Variants in DYNC1LI2 observed in about 807,000 individuals in gnomAD.
The protein encoded by DYNC1LI2 is cytoplasmic dynein 1 light intermediate chain 2.
DYNC1LI2 carries 19 observed loss-of-function variants against 57.8 expected under a neutral mutation model. That is an observed-to-expected ratio of 0.33 (90% CI 0.23 to 0.48). The LOEUF is 0.48. Ranked by LOEUF, DYNC1LI2 falls within the 20% of genes least tolerant of loss-of-function variation. DYNC1LI2 has a pLI of 0.99. For missense variants in DYNC1LI2, 470 were observed against 604.2 expected, an observed-to-expected ratio of 0.78 and a Z score of 2.33; for synonymous variants, 256 against 233.4, an observed-to-expected ratio of 1.10 and a Z score of -0.88.
In DYNC1LI2 at chr16:66,751,028, G is replaced by A. The variant is rs143472303; in HGVS notation, c.181+245C>T. On this transcript the variant is annotated intron_variant, in intron 2 of 12. Transcript: ENST00000258198. The surrounding 1 kb of genome is among the most constrained non-coding windows in gnomAD (Gnocchi z 5.2). ...CCGTCGAGGCAATGAAGGCATAGAG[G>A]GCCAAGTGACTGAAACAATATGCCG... Among the ~76,000 whole-genome samples the A allele has an allele frequency of 5.9e-4, 90 of 152,252 alleles. No homozygotes were observed. Among genetic ancestry groups the A allele is most frequent in the African/African-American group, 2.0e-3 (85 of 41,562 alleles).
At position 66,725,814 on chromosome 16, in the gene DYNC1LI2, G is replaced by A; in HGVS notation, c.1378+14C>T. 1 of 1,609,922 alleles carries A rather than the reference G, an allele frequency of 6.2e-7. No individual in the cohort carries two copies. Among genetic ancestry groups the A allele is most frequent in the Non-Finnish European group, 8.5e-7 (1 of 1,178,470 alleles). ...CAACCACAAGAGTCACAAGTCTCCA[G>A]GGCCCTTCTGTACCTGACTTCTTGG... is the stretch of plus-strand genomic sequence containing the variant. On this transcript the variant is annotated intron_variant, in intron 12 of 12. Coordinates refer to ENST00000258198, the MANE Select transcript of DYNC1LI2 (RefSeq NM_006141.3).
chr16:66,732,268 A>T, intron 7 of DYNC1LI2, 71 bp downstream of exon 7: 3 of 1,560,906 alleles, frequency 1.9e-6, no homozygotes, highest in South Asian at 2.4e-5. Context: ...CCTTCCTTGA[A>T]GGGGTAAAAT....
At chr16:66,745,533 C>T (rs1449735682) in intron 3 of DYNC1LI2, among the ~76,000 whole-genome samples, 4 of 151,596 alleles carry the variant, frequency 2.6e-5, no homozygotes, top group Non-Finnish European at 5.9e-5. Flanking sequence ...CCACCTCAGC[C>T]TCACAAAGTG....
rs1012701498 is a variant in DYNC1LI2 at position 66,745,373 on chromosome 16, G to A, written c.299-2705C>T. The stretch of plus-strand genomic sequence containing the variant: ...AGCTCACTGCAGCCCACGCCTCCCA[G>A]GTTCAGGCGATCCTCATGCCTCAGG... On this transcript the variant is annotated intron_variant, in intron 3 of 12. Transcript: ENST00000258198. Among the ~76,000 whole-genome samples the A allele has an allele frequency of 2.0e-5, 3 of 152,138 alleles. No individual in the cohort carries two copies. In the East Asian group the frequency reaches 5.8e-4, roughly 30 times the overall value.
chr16:66,723,918 T>C, intron 12 of DYNC1LI2, 96 bp from the exon 13 acceptor site: 1 of 977,898 alleles, frequency 1.0e-6, no homozygotes, highest in Non-Finnish European at 1.5e-6. Context: ...CCTTCTATAA[T>C]CACTTGATGA....
Position 66,728,002 on chromosome 16 carries a change from C to T in DYNC1LI2, c.1144-197G>A. 3.4e-6 allele frequency: 3 copies of T among 886,342 alleles called. No homozygotes were observed. The South Asian group carries it at 5.4e-5, about 16-fold the overall frequency. 54.9% of individuals were successfully genotyped at this position (886,342 alleles called of 1,614,324 possible). A position where few individuals can be genotyped will look rare whatever the true frequency, so the allele number is the denominator to read the frequency against. On this transcript the variant is annotated intron_variant, in intron 10 of 12. Transcript: ENST00000258198. ...ATCCAGATAACAAAGCCAGCTCACT[C>T]TAATTCCCAGAGTTGTATTCTTTCA...
intron 4 of DYNC1LI2, chr16:66,738,237 GCTTC>G (rs1242165059): frequency 1.5e-5 from 2 of 137,882 alleles, no homozygotes; most frequent in Admixed American, 7.6e-5. Flanking sequence ...CATCTCTACA[GCTTC>G]TTTTTTTTTT....
At chr16:66,737,451 G>A (rs983851321) in intron 4 of DYNC1LI2, among the ~76,000 whole-genome samples, 28 of 146,610 alleles carry the variant, frequency 1.9e-4, no homozygotes, top group African/African-American at 7.3e-4. Context: ...TTGAACCAGG[G>A]AGTCGGAGGT....
chr16:66,742,651 C>T lies in DYNC1LI2; in HGVS notation c.316G>A (p.Val106Met), dbSNP rs774901981. The T allele has an allele frequency of 4.3e-6, 7 of 1,614,066 alleles. No homozygotes were observed. Among genetic ancestry groups the T allele is most frequent in the East Asian group, 2.2e-5 (1 of 44,900 alleles). ...EDRDDHTRCN[V>M]WILDGDLYHK... Reference sequence around the variant, plus strand: ...TACAAGTCTCCATCCAGAATCCACACGTTGCAGCGCGTGTGATCTGAGAAA... The same window carrying T: ...TACAAGTCTCCATCCAGAATCCACATGTTGCAGCGCGTGTGATCTGAGAAA... The change falls in exon 4 of 13, where the codon GTG becomes ATG. Residue 106 changes from valine to methionine, a missense_variant. Physicochemically the swap from Val to Met is conservative, Grantham distance 21. Coordinates refer to ENST00000258198, the MANE Select transcript of DYNC1LI2 (RefSeq NM_006141.3).
chr16:66,749,077 A>T, intron 3 of DYNC1LI2, 120 bp downstream of exon 3: 1 of 965,600 alleles, frequency 1.0e-6, no homozygotes. Context: ...TTCTGTGATT[A>T]ACTCTCTGAG....
chr16:66,723,530 G>T lies in DYNC1LI2; in HGVS notation c.*192C>A. On this transcript the variant is annotated 3_prime_UTR_variant, in exon 13 of 13. Transcript: ENST00000258198. ...GTCCAAGGGTTATCCTTAACAAAGG[G>T]TCTGACATGTAACCTTCCTAAATGT... 1 of 668,542 alleles carries T rather than the reference G, an allele frequency of 1.5e-6. No individual in the cohort carries two copies. Among genetic ancestry groups the T allele is most frequent in the Non-Finnish European group, 2.7e-6 (1 of 368,142 alleles). The allele number at this position is 668,542 out of a possible 1,614,324, so 41.4% of individuals were successfully genotyped here. A position where few individuals can be genotyped will look rare whatever the true frequency, so the allele number is the denominator to read the frequency against.
chr16:66,735,749 G>A (rs867827247), intron 5 of DYNC1LI2, among the ~76,000 whole-genome samples: 2 of 151,202 alleles, frequency 1.3e-5, no homozygotes, highest in Non-Finnish European at 3.0e-5. Context: ...CTCATGATCC[G>A]CCCACCTCAG....
At chr16:66,741,648 G>A (rs980132327) in intron 4 of DYNC1LI2, among the ~76,000 whole-genome samples, 5 of 151,950 alleles carry the variant, frequency 3.3e-5, no homozygotes, top group African/African-American at 9.7e-5. Context: ...AATACGCCAG[G>A]CTGGGTCAAG....
chr16:66,742,497 C>G lies in DYNC1LI2; in HGVS notation c.470G>C (p.Arg157Pro). 2 of 1,614,164 alleles carry G rather than the reference C, an allele frequency of 1.2e-6. No homozygotes were observed. The highest frequency in any genetic ancestry group is 1.7e-6 in the Non-Finnish European group (2 of 1,180,042). ...AATTTTCATTTTATCAATGTGCTCA[C>G]GTAAAACACTAGCCCATTTCTGCAG... Reference protein sequence around the residue: ...ESLQKWASVLREHIDKMKIPP... With the variant: ...ESLQKWASVLPEHIDKMKIPP... Residue 157 changes from arginine (R) to proline (P), a missense_variant, in exon 4 of 13, where the codon CGT (arginine) becomes CCT (proline). Arg to Pro is a moderately radical substitution (Grantham distance 103). Transcript: ENST00000258198.
At chr16:66,746,987 C>A (rs1447429143) in intron 3 of DYNC1LI2, among the ~76,000 whole-genome samples, 1 of 152,160 alleles carries the variant, frequency 6.6e-6, no homozygotes, top group African/African-American at 2.4e-5. Flanking sequence ...TGGCCAGGCT[C>A]AGCAGCCCTG....
At chr16:66,749,454 G>A in intron 2 of DYNC1LI2, 141 bp from the exon 3 acceptor site, 1 of 820,392 alleles carries the variant, frequency 1.2e-6, no homozygotes. Context: ...CATAAACAAA[G>A]GACTTTGCTG....
chr16:66,748,242 C>T (rs2017973223), intron 3 of DYNC1LI2, among the ~76,000 whole-genome samples: 1 of 134,784 alleles, frequency 7.4e-6, no homozygotes, highest in Non-Finnish European at 1.5e-5. Context: ...TGAGCCACTG[C>T]ACCCCAGCCT....
intron 2 of DYNC1LI2, 91 bp from the exon 3 acceptor site, chr16:66,749,404 A>G: frequency 8.0e-7 from 1 of 1,250,848 alleles, no homozygotes; most frequent in Non-Finnish European, 1.2e-6. Flanking sequence ...AGAAACTAAG[A>G]ATTTCATGCA....
intron 3 of DYNC1LI2, among the ~76,000 whole-genome samples, chr16:66,743,192 AAAC>A (rs2017871528): frequency 9.2e-6 from 1 of 109,174 alleles, no homozygotes; most frequent in South Asian, 3.3e-4. Flanking sequence ...AACAAAAACA[AAAC>A]AAACAAAAAA....
Sources: gnomAD v4.1 joint callset for allele counts (sites outside exome capture counted in the v4.1 genomes callset) on GRCh38, gnomAD v4.1.1 for gene constraint, Gnocchi (gnomAD v3.1) non-coding constraint, MANE v1.5 for transcripts, NCBI Gene and HGNC (gene_info 2026-07-23, HGNC 2026-07-21) for gene names.